Variants in ETV6 observed in about 807,000 individuals in gnomAD.
ETV6 encodes the protein ETS variant transcription factor 6, also known as transcription factor ETV6.
In ETV6, 16 loss-of-function variants were observed where a neutral mutation model predicts 51.1. The observed-to-expected ratio is 0.31, with a 90% CI of 0.21 to 0.48. The LOEUF is 0.48. ETV6 is among the 20% of genes least tolerant of loss of function. ETV6 has a pLI of 0.99. For missense variants in ETV6, 458 were observed against 594.8 expected (o/e 0.77, Z 2.39); for synonymous variants, 240 against 224.1 (o/e 1.07, Z -0.64).
chr12:11,743,233 G>A (rs1348285000), intron 1 of ETV6, among the ~76,000 whole-genome samples: 3 of 152,160 alleles, frequency 2.0e-5, no homozygotes, highest in Admixed American at 2.0e-4. Context: ...GTACAGTATT[G>A]TTTGGTTTTG....
At chr12:11,769,178 G>A (rs1945205561) in intron 2 of ETV6, among the ~76,000 whole-genome samples, 1 of 152,122 alleles carries the variant, frequency 6.6e-6, no homozygotes, top group African/African-American at 2.4e-5. Context: ...TCTTGCTTCT[G>A]TGTTTGATTT....
At chr12:11,707,198 G>GA (rs1009905986) in intron 1 of ETV6, among the ~76,000 whole-genome samples, 2 of 152,010 alleles carry the variant, frequency 1.3e-5, no homozygotes, top group African/African-American at 2.4e-5. Context: ...GGCTAGACGT[G>GA]AAAAAAACGT....
At chr12:11,795,911 C>T (rs1945669154) in intron 2 of ETV6, among the ~76,000 whole-genome samples, 1 of 152,116 alleles carries the variant, frequency 6.6e-6, no homozygotes, top group African/African-American at 2.4e-5. Flanking sequence ...TGTCACACAG[C>T]AAGGACTCAG....
In ETV6 at chr12:11,869,098, T is replaced by C. The variant is rs955145165; in HGVS notation, c.464-326T>C. Among the ~76,000 whole-genome samples, 2 of 151,798 alleles carry C rather than the reference T, an allele frequency of 1.3e-5. No individual in the cohort carries two copies. Among genetic ancestry groups the C allele is most frequent in the East Asian group, 3.9e-4 (2 of 5,168 alleles). ...AAAAATAAAAAAAATTAGCCGAGCA[T>C]GGTGGTGGGCGCCTGTAGTCCCAGC... On this transcript the variant is annotated intron_variant, in intron 4 of 7. Coordinates refer to ENST00000396373, the MANE Select transcript of ETV6 (RefSeq NM_001987.5). This position sits in a 1 kb window ranked among gnomAD's most constrained non-coding sequence, Gnocchi z 5.0.
intron 1 of ETV6, among the ~76,000 whole-genome samples, chr12:11,690,832 A>G (rs377204130): frequency 9.2e-4 from 140 of 152,066 alleles, no homozygotes; most frequent in Middle Eastern, 6.8e-3. Context: ...AGTTGCAGGA[A>G]GCCAAGATTG....
chr12:11,895,059 G>A lies in ETV6; in HGVS notation c.*4013G>A, dbSNP rs376727723. ...CCTAAAACCCACAGAAGACTAACCTGATACTCTTTTGACCCAACTGCATCA... is the reference window on the plus strand; with the variant it reads ...CCTAAAACCCACAGAAGACTAACCTAATACTCTTTTGACCCAACTGCATCA... On this transcript the variant is annotated 3_prime_UTR_variant, in exon 8 of 8. Coordinates refer to ENST00000396373, the MANE Select transcript of ETV6 (RefSeq NM_001987.5). 3 of 232,872 alleles carry A rather than the reference G, an allele frequency of 1.3e-5. No individual in the cohort carries two copies. Among genetic ancestry groups the A allele is most frequent in the African/African-American group, 2.2e-5 (1 of 45,270 alleles). 14.4% of individuals were successfully genotyped at this position (232,872 alleles called of 1,614,324 possible).
intron 2 of ETV6, among the ~76,000 whole-genome samples, chr12:11,790,679 CTT>C (rs5796466): frequency 2.9e-3 from 287 of 100,300 alleles, no homozygotes; most frequent in Middle Eastern, 9.0e-3. Context: ...AGAGGATAAA[CTT>C]TTTTTTTTTT....
intron 1 of ETV6, among the ~76,000 whole-genome samples, chr12:11,674,674 C>T (rs1021415941): frequency 2.2e-5 from 3 of 137,540 alleles, no homozygotes; most frequent in Admixed American, 1.5e-4. Flanking sequence ...TGGTGTTTTC[C>T]CCATGAAGCC....
At chr12:11,751,980 G>A in intron 1 of ETV6, 1 of 346,586 alleles carries the variant, frequency 2.9e-6, no homozygotes, top group Non-Finnish European at 5.7e-6. Flanking sequence ...TACTTGATCA[G>A]CTCACTATGG....
chr12:11,801,290 T>A (rs1370888376), intron 2 of ETV6, among the ~76,000 whole-genome samples: 1 of 152,258 alleles, frequency 6.6e-6, no homozygotes, highest in Non-Finnish European at 1.5e-5. Flanking sequence ...TCTAATTTAA[T>A]GCAAGAGGTA....
rs1483620872 is a variant in ETV6 at position 11,892,854 on chromosome 12, G to T, written c.*1808G>T. ...CACCAACCTAGGGTGCAAACAGATGGACTATGGTTCAAGGACACTGGAATT... is the reference window on the plus strand; with the variant it reads ...CACCAACCTAGGGTGCAAACAGATGTACTATGGTTCAAGGACACTGGAATT... On this transcript the variant is annotated 3_prime_UTR_variant, in exon 8 of 8. Coordinates refer to ENST00000396373, the MANE Select transcript of ETV6 (RefSeq NM_001987.5). 8.6e-6 allele frequency: 2 copies of T among 232,962 alleles called. No individual in the cohort carries two copies. The highest frequency in any genetic ancestry group is 1.7e-5 in the Non-Finnish European group (2 of 117,974). 14.4% of individuals were successfully genotyped at this position (232,962 alleles called of 1,614,324 possible).
chr12:11,680,011 T>C (rs1330875014), intron 1 of ETV6, among the ~76,000 whole-genome samples: 1 of 152,232 alleles, frequency 6.6e-6, no homozygotes, highest in Non-Finnish European at 1.5e-5. Flanking sequence ...GATAAGACTC[T>C]TACCATTCTG....
chr12:11,804,950 C>G lies in ETV6; in HGVS notation c.164-34190C>G, dbSNP rs576399657. On this transcript the variant is annotated intron_variant, in intron 2 of 7. Transcript: ENST00000396373. ...GAGTCAATATATGATGGCACTTGAG[C>G]TTTTACCATGAAGATTTCCACTGAG... Among the ~76,000 whole-genome samples, 11 of 152,274 alleles carry G rather than the reference C, an allele frequency of 7.2e-5. No individual in the cohort carries two copies. In the East Asian group the frequency reaches 2.1e-3, roughly 29 times the overall value.
At chr12:11,868,906 C>G (rs868628010) in intron 4 of ETV6, among the ~76,000 whole-genome samples, 1 of 152,052 alleles carries the variant, frequency 6.6e-6, no homozygotes, top group Admixed American at 6.5e-5. Context: ...TTGTAGACAT[C>G]CTTAGGTTGT....
intron 2 of ETV6, among the ~76,000 whole-genome samples, chr12:11,814,887 G>T (rs1393271353): frequency 6.6e-6 from 1 of 152,196 alleles, no homozygotes; most frequent in East Asian, 1.9e-4. Context: ...TTCCCGGGGA[G>T]TGTGATGTGA....
intron 1 of ETV6, among the ~76,000 whole-genome samples, chr12:11,686,909 A>G (rs1029296774): frequency 2.0e-5 from 3 of 151,534 alleles, no homozygotes; most frequent in Admixed American, 6.6e-5. Context: ...TCTATTTTAG[A>G]CAGAGTGTAA....
intron 1 of ETV6, among the ~76,000 whole-genome samples, chr12:11,693,198 A>G (rs138918313): frequency 6.4e-4 from 97 of 152,252 alleles, no homozygotes; most frequent in Non-Finnish European, 1.0e-3. Context: ...GGGAAGGCAC[A>G]TGGGGCGGAC....
intron 2 of ETV6, among the ~76,000 whole-genome samples, chr12:11,805,072 G>A (rs1945810305): frequency 6.6e-6 from 1 of 152,164 alleles, no homozygotes; most frequent in South Asian, 2.1e-4. Flanking sequence ...CCTTTCATCT[G>A]CAAGGAGGTG....
At chr12:11,736,384 TG>T (rs1865703129) in intron 1 of ETV6, among the ~76,000 whole-genome samples, 1 of 152,210 alleles carries the variant, frequency 6.6e-6, no homozygotes, top group Non-Finnish European at 1.5e-5. Flanking sequence ...TGAACAACTT[TG>T]ATCCTTGAGA....
Sources: gnomAD v4.1 joint callset for allele counts (sites outside exome capture counted in the v4.1 genomes callset) on GRCh38, gnomAD v4.1.1 for gene constraint, Gnocchi (gnomAD v3.1) non-coding constraint, MANE v1.5 for transcripts, NCBI Gene and HGNC (gene_info 2026-07-23, HGNC 2026-07-21) for gene names.